GET3: variants seen among roughly 807,000 people sequenced by gnomAD.
GET3 encodes guided entry of tail-anchored proteins factor 3, ATPase.
GET3 carries 15 observed loss-of-function variants against 32.4 expected under a neutral mutation model. The ratio of observed to expected loss-of-function variants is 0.46; its 90% CI spans 0.31 to 0.71. GET3 has a LOEUF of 0.71. GET3 is among the 30% of genes least tolerant of loss of function. GET3 has a pLI of 0.05. For missense variants in GET3, 333 were observed against 459.0 expected, an observed-to-expected ratio of 0.73 and a Z score of 2.51; for synonymous variants, 198 against 185.6, an observed-to-expected ratio of 1.07 and a Z score of -0.54.
At chr19:12,742,650 G>A (rs536896625) in intron 2 of GET3, among the ~76,000 whole-genome samples, 3 of 151,898 alleles carry the variant, frequency 2.0e-5, no homozygotes, top group South Asian at 2.1e-4. Flanking sequence ...TCCTGACCTC[G>A]TGATCCACCC....
chr19:12,744,504 G>A (rs1007591801), intron 2 of GET3, among the ~76,000 whole-genome samples: 4 of 152,080 alleles, frequency 2.6e-5, no homozygotes, highest in Non-Finnish European at 5.9e-5. Flanking sequence ...ATTTTTAGTA[G>A]AGACGGGGTT....
At chr19:12,742,027 G>C (rs933593681) in intron 2 of GET3, among the ~76,000 whole-genome samples, 1 of 152,108 alleles carries the variant, frequency 6.6e-6, no homozygotes, top group Non-Finnish European at 1.5e-5. Context: ...TGCTTGCAGA[G>C]ACTGAGACAA....
chr19:12,739,159 T>C (rs977172656), intron 2 of GET3, among the ~76,000 whole-genome samples: 1 of 151,398 alleles, frequency 6.6e-6, no homozygotes, highest in African/African-American at 2.4e-5. Flanking sequence ...GGAGAAGTAG[T>C]CAGACTTGAG....
rs1967747959 is a variant in GET3 at position 12,745,260 on chromosome 19, C to T, written c.310-117C>T. On this transcript the variant is annotated intron_variant, in intron 2 of 6. Coordinates refer to ENST00000357332, the MANE Select transcript of GET3 (RefSeq NM_004317.4). This position sits in a 1 kb window ranked among gnomAD's most constrained non-coding sequence, Gnocchi z 5.0. ...ATGAAATGCCTGTGGTCACAGCCCA[C>T]CACAGGCTCCCTCTGGCCCTGTGCC... The T allele has an allele frequency of 7.9e-7, 1 of 1,265,910 alleles. No homozygotes were observed. 78.4% of individuals were successfully genotyped at this position (1,265,910 alleles called of 1,614,324 possible).
chr19:12,746,137 T>C (rs1481213879), intron 4 of GET3, among the ~76,000 whole-genome samples: 1 of 152,092 alleles, frequency 6.6e-6, no homozygotes, highest in East Asian at 1.9e-4. Flanking sequence ...CATGGGTTAT[T>C]ATTATTATTA....
rs8177470 is a variant in GET3 at position 12,738,753 on chromosome 19, C to G, written c.309+95C>G. ...CAGCAGCCACCGTGTCCTATCCACTCTATATCCTGTGTCTCTCGTGTTTCA... is the reference window on the plus strand; with the variant it reads ...CAGCAGCCACCGTGTCCTATCCACTGTATATCCTGTGTCTCTCGTGTTTCA... On this transcript the variant is annotated intron_variant, in intron 2 of 6. Transcript: ENST00000357332. 2.3e-3 allele frequency: 3,405 copies of G among 1,475,598 alleles called. 52 individuals are homozygous for G. In the African/African-American group the frequency reaches 0.041, roughly 18 times the overall value. The allele number at this position is 1,475,598 out of a possible 1,614,324, so 91.4% of individuals were successfully genotyped here. A position where few individuals can be genotyped will look rare whatever the true frequency, so the allele number is the denominator to read the frequency against.
chr19:12,743,510 G>T (rs1967708689), intron 2 of GET3, among the ~76,000 whole-genome samples: 1 of 150,688 alleles, frequency 6.6e-6, no homozygotes, highest in Non-Finnish European at 1.5e-5. Context: ...GCCAGGCATG[G>T]CCAGGCGTGA....
At chr19:12,744,054 A>G (rs1001442076) in intron 2 of GET3, among the ~76,000 whole-genome samples, 5 of 149,404 alleles carry the variant, frequency 3.3e-5, no homozygotes, top group Non-Finnish European at 7.4e-5. Context: ...AAAAAAAAAA[A>G]AAAAAAAAAA....
chr19:12,745,636 G>T lies in GET3; in HGVS notation c.486G>T (p.Val162=). 6.2e-7 allele frequency: 1 copy of T among 1,612,670 alleles called. No homozygotes were observed. ...TGGTGAAGGGCATGAACTTCTCGGTGGTGGTATTTGACACGGCACCCACGG... is the reference window on the plus strand; with the variant it reads ...TGGTGAAGGGCATGAACTTCTCGGTTGTGGTATTTGACACGGCACCCACGG... ...MRLVKGMNFS[V]VVFDTAPTGH... Residue 162 remains valine, a synonymous_variant, in exon 4 of 7, where the codon GTG becomes GTT. Coordinates refer to ENST00000357332, the MANE Select transcript of GET3 (RefSeq NM_004317.4). This position sits in a 1 kb window ranked among gnomAD's most constrained non-coding sequence, Gnocchi z 5.0.
At position 12,747,688 on chromosome 19, in the gene GET3, C is replaced by T. The variant is rs1169716890; in HGVS notation, c.915+96C>T. The T allele has an allele frequency of 7.1e-7, 1 of 1,417,746 alleles. No homozygotes were observed. Among genetic ancestry groups the T allele is most frequent in the Middle Eastern group, 2.0e-4 (1 of 5,020 alleles). 87.8% of individuals were successfully genotyped at this position (1,417,746 alleles called of 1,614,324 possible). A position where few individuals can be genotyped will look rare whatever the true frequency, so the allele number is the denominator to read the frequency against. ...ACCATCTGGCCCTCTGCCCTCTAGC[C>T]TCCTGCCCTTTGCCCCCACATTTCA... is the stretch of plus-strand genomic sequence containing the variant. On this transcript the variant is annotated intron_variant, in intron 6 of 6. Coordinates refer to ENST00000357332, the MANE Select transcript of GET3 (RefSeq NM_004317.4). This position sits in a 1 kb window ranked among gnomAD's most constrained non-coding sequence, Gnocchi z 4.0.
At chr19:12,737,735 C>T in intron 1 of GET3, 69 bp downstream of exon 1, 1 of 1,508,002 alleles carries the variant, frequency 6.6e-7, no homozygotes, top group Non-Finnish European at 8.8e-7. Context: ...AGGCCAAGGA[C>T]CGGCTTTTCC....
chr19:12,737,902 C>A (rs946858419), intron 1 of GET3, among the ~76,000 whole-genome samples: 2 of 152,258 alleles, frequency 1.3e-5, no homozygotes, highest in Non-Finnish European at 2.9e-5. Flanking sequence ...GAACTCAGCG[C>A]CCGGGGGACG....
rs1331658542 is a variant in GET3, at chr19:12,745,245, T to C, written c.310-132T>C. On this transcript the variant is annotated intron_variant, in intron 2 of 6. Transcript: ENST00000357332. This position sits in a 1 kb window ranked among gnomAD's most constrained non-coding sequence, Gnocchi z 5.0. ...CCCAGCCGTGACCTAATGAAATGCC[T>C]GTGGTCACAGCCCACCACAGGCTCC... 2 of 1,025,376 alleles carry C rather than the reference T, an allele frequency of 2.0e-6. No homozygotes were observed. Among genetic ancestry groups the C allele is most frequent in the African/African-American group, 3.2e-5 (2 of 61,716 alleles). 63.5% of individuals were successfully genotyped at this position (1,025,376 alleles called of 1,614,324 possible).
rs1490715082 is a variant in GET3 at position 12,746,312 on chromosome 19, T to A, written c.609+553T>A. Among the ~76,000 whole-genome samples the A allele has an allele frequency of 2.0e-5, 3 of 152,164 alleles. No homozygotes were observed. The East Asian group carries it at 5.8e-4, about 29-fold the overall frequency. On this transcript the variant is annotated intron_variant, in intron 4 of 6. Coordinates refer to ENST00000357332, the MANE Select transcript of GET3 (RefSeq NM_004317.4). ...CATGCCCAGCTAATTTTTGTACTTT[T>A]TGTAGAGATAGGGTTTTGCCATGTT... is the stretch of plus-strand genomic sequence containing the variant.
chr19:12,746,745 C>T (rs970044616), intron 4 of GET3, among the ~76,000 whole-genome samples: 2 of 152,168 alleles, frequency 1.3e-5, no homozygotes, highest in Non-Finnish European at 2.9e-5. Flanking sequence ...CGCAGTGGCT[C>T]ATGCCTGTAA....
chr19:12,742,483 C>T (rs1599449612), intron 2 of GET3, among the ~76,000 whole-genome samples: 2 of 151,934 alleles, frequency 1.3e-5, no homozygotes, highest in Admixed American at 1.3e-4. Flanking sequence ...GGCGCAATCT[C>T]GGTTCACTGC....
chr19:12,743,543 C>T (rs1224222121), intron 2 of GET3, among the ~76,000 whole-genome samples: 22 of 150,910 alleles, frequency 1.5e-4, no homozygotes, highest in African/African-American at 5.1e-4. Context: ...GTAATCCCAG[C>T]ACTTTGGGAG....
chr19:12,739,889 T>A (rs1265876698), intron 2 of GET3, among the ~76,000 whole-genome samples: 2 of 151,730 alleles, frequency 1.3e-5, no homozygotes, highest in African/African-American at 4.8e-5. Flanking sequence ...ACTAAAAATA[T>A]AAACCAATTA....
At chr19:12,738,735 C>A in intron 2 of GET3, 77 bp downstream of exon 2, 1 of 1,568,126 alleles carries the variant, frequency 6.4e-7, no homozygotes, top group Non-Finnish European at 8.7e-7. Context: ...CACCAGCAGC[C>A]ACCGTGTCCT....
Sources: gnomAD v4.1 joint callset for allele counts (sites outside exome capture counted in the v4.1 genomes callset) on GRCh38, gnomAD v4.1.1 for gene constraint, Gnocchi (gnomAD v3.1) non-coding constraint, MANE v1.5 for transcripts, NCBI Gene and HGNC (gene_info 2026-07-23, HGNC 2026-07-21) for gene names.